The following HELB variants were observed in gnomAD, a reference collection of about 807,000 sequenced individuals.
HELB encodes the protein DNA 5'-3' helicase B.
In HELB, 96 loss-of-function variants were observed where a neutral mutation model predicts 101.7. That is an observed-to-expected ratio of 0.94 (90% confidence interval 0.80 to 1.12). HELB has a LOEUF of 1.12. HELB is among the 50% of genes most tolerant of loss of function. HELB has a pLI of 0.00. For missense variants in HELB, 1,210 were observed against 1,291.9 expected (o/e 0.94, Z 0.97); for synonymous variants, 437 against 459.7 (o/e 0.95, Z 0.63).
At chr12:66,334,128 C>A (rs1392119196) in intron 12 of HELB, among the ~76,000 whole-genome samples, 1 of 151,992 alleles carries the variant, frequency 6.6e-6, no homozygotes, top group East Asian at 1.9e-4. Flanking sequence ...TCATGGTACT[C>A]CAGCCTGGGT....
chr12:66,317,196 C>CAA (rs144397387), intron 6 of HELB, among the ~76,000 whole-genome samples: 64 of 141,834 alleles, frequency 4.5e-4, no homozygotes, highest in African/African-American at 1.2e-3. Context: ...GACTCCATCT[C>CAA]AAAAAAAAAA....
rs1345688648 is a variant in HELB at position 66,331,451 on chromosome 12, A to C, written c.2968A>C (p.Thr990Pro). The change falls in exon 12 of 13, where the codon ACA becomes CCA. Residue 990 changes from threonine (T) to proline (P), a missense_variant. Thr to Pro is a conservative substitution (Grantham distance 38). Transcript: ENST00000247815. ...TPSASPLPVV[T>P]DHAMTNDVTW... ...GTCAGCATCTCCACTCCCTGTAGTC[A>C]CAGACCACGCCATGACAAATGATGT... 9.9e-6 allele frequency: 16 copies of C among 1,614,094 alleles called. No individual in the cohort carries two copies. In the Admixed American group the frequency reaches 2.0e-4, roughly 20 times the overall value.
intron 12 of HELB, among the ~76,000 whole-genome samples, chr12:66,333,396 G>A (rs1157308597): frequency 1.3e-5 from 2 of 152,136 alleles, no homozygotes; most frequent in Non-Finnish European, 2.9e-5. Flanking sequence ...CAAAGAGGAA[G>A]GCAGGTTGGC....
rs546270728 is a variant in HELB at position 66,316,243 on chromosome 12, C to G, written c.2000+860C>G. On this transcript the variant is annotated intron_variant, in intron 6 of 12. Transcript: ENST00000247815. Reference sequence around the variant, plus strand: ...CCATCCAGGTTTGTGTAAGTACACTCTATGCTATTCACACGACGATGAACA... The same window carrying G: ...CCATCCAGGTTTGTGTAAGTACACTGTATGCTATTCACACGACGATGAACA... Among the ~76,000 whole-genome samples the G allele has an allele frequency of 4.6e-5, 7 of 151,862 alleles. No homozygotes were observed. In the South Asian group the frequency reaches 1.5e-3, roughly 31 times the overall value.
At chr12:66,340,606 A>C, downstream of HELB, 1 of 32,278 alleles carries the variant, frequency 3.1e-5, no homozygotes, top group Non-Finnish European at 4.9e-5. Context: ...GGATATATAT[A>C]TGTGGGGGGG....
chr12:66,303,107 T>TTA (rs898915603), intron 1 of HELB, among the ~76,000 whole-genome samples: 3 of 127,568 alleles, frequency 2.4e-5, no homozygotes, highest in Admixed American at 7.8e-5. Context: ...TTTTTTTTTT[T>TTA]AAAATTATTC....
chr12:66,331,585 G>A lies in HELB; in HGVS notation c.3102G>A (p.Ser1034=), dbSNP rs776486508. ...GVDTDDDLPK[S]RASKRTCGVN... The stretch of plus-strand genomic sequence containing the variant: ...ATACAGATGATGATTTACCAAAATC[G>A]CGAGCATCCAAAAGAACCTGTGGTG... Residue 1034 remains serine (S), a synonymous_variant, in exon 12 of 13, where the codon TCG becomes TCA. Coordinates refer to ENST00000247815, the MANE Select transcript of HELB (RefSeq NM_001370285.1). 40 of 1,612,186 alleles carry A rather than the reference G, an allele frequency of 2.5e-5. No homozygotes were observed. The highest frequency in any genetic ancestry group is 2.3e-4 in the African/African-American group (17 of 74,922).
At chr12:66,322,235 A>G (rs1484351291) in intron 8 of HELB, among the ~76,000 whole-genome samples, 2 of 152,108 alleles carry the variant, frequency 1.3e-5, no homozygotes, top group Non-Finnish European at 2.9e-5. Flanking sequence ...AGAAGCTCAT[A>G]GGGACTCTGA....
intron 12 of HELB, among the ~76,000 whole-genome samples, chr12:66,337,383 A>G (rs552438986): frequency 1.5e-4 from 23 of 152,292 alleles, no homozygotes; most frequent in Non-Finnish European, 2.8e-4. Context: ...GGCTTTTGAC[A>G]TGAGCAGAAA....
intron 11 of HELB, among the ~76,000 whole-genome samples, chr12:66,328,466 G>A (rs909325143): frequency 6.6e-6 from 1 of 152,136 alleles, no homozygotes; most frequent in Non-Finnish European, 1.5e-5. Context: ...GGGGGTCTGA[G>A]GTGGGAGGAT....
downstream of HELB, chr12:66,338,255 A>G (rs2053888154): frequency 6.4e-6 from 4 of 620,578 alleles, 1 homozygote; most frequent in South Asian, 7.3e-5. Context: ...TCATCAAAGT[A>G]TTAATGATTT....
At chr12:66,304,263 C>T (rs895847118) in intron 1 of HELB, among the ~76,000 whole-genome samples, 3 of 150,930 alleles carry the variant, frequency 2.0e-5, no homozygotes, top group African/African-American at 7.3e-5. Context: ...AGGTTTTATA[C>T]ATGAGATTCA....
Position 66,331,416 on chromosome 12 carries a change from C to A in HELB, c.2933C>A (p.Pro978His). Residue 978 changes from proline (P) to histidine (H), a missense_variant, in exon 12 of 13, where the codon CCC (proline) becomes CAC (histidine). By Grantham distance (77) the Pro-to-His change is moderately conservative. This residue lies in a region of HELB where 740 missense variants were observed against 728.8 expected (regional missense o/e 1.02). Transcript: ENST00000247815. ...AAGAGCTCTGGAGACAGTGGAGGACCCAGCACACCGTCAGCATCTCCACTC... is the reference window on the plus strand; with the variant it reads ...AAGAGCTCTGGAGACAGTGGAGGACACAGCACACCGTCAGCATCTCCACTC... ...PRKSSGDSGGPSTPSASPLPV... is the reference protein window; with the variant it reads ...PRKSSGDSGGHSTPSASPLPV... 6.2e-7 allele frequency: 1 copy of A among 1,614,192 alleles called. No homozygotes were observed. The highest frequency in any genetic ancestry group is 8.5e-7 in the Non-Finnish European group (1 of 1,180,044).
intron 11 of HELB, among the ~76,000 whole-genome samples, chr12:66,328,791 A>T (rs1201087714): frequency 1.3e-5 from 2 of 151,972 alleles, no homozygotes; most frequent in East Asian, 1.9e-4. Context: ...CTTAATATTG[A>T]TTATATGTTA....
chr12:66,314,984 C>G (rs554338293), intron 5 of HELB, among the ~76,000 whole-genome samples: 3 of 150,122 alleles, frequency 2.0e-5, no homozygotes, highest in Middle Eastern at 3.5e-3. Context: ...CTACAAATGT[C>G]TAAGGCCTGT....
At chr12:66,343,301 G>A (rs1355142561) in intron 13 of HELB, 1 of 152,254 alleles carries the variant, frequency 6.6e-6, no homozygotes, top group Non-Finnish European at 1.5e-5. Flanking sequence ...AGGAAAGACA[G>A]GCTGGAGTGC....
rs2022645879 is a variant in HELB at position 66,302,615 on chromosome 12, G to C, written c.12G>C (p.Ser4=). MAR[S]SPYLRQLQGP... is the part of the protein sequence containing the mutation. ...AGTTCAGGAGAAGCATGGCCAGGTC[G>C]AGTCCGTACCTGCGCCAACTTCAGG... The change falls in exon 1 of 13, where the codon TCG becomes TCC. Residue 4 remains serine (S), a synonymous_variant. Coordinates refer to ENST00000247815, the MANE Select transcript of HELB (RefSeq NM_001370285.1). 1 of 1,613,742 alleles carries C rather than the reference G, an allele frequency of 6.2e-7. No homozygotes were observed. The highest frequency in any genetic ancestry group is 8.5e-7 in the Non-Finnish European group (1 of 1,179,670).
rs1397970145 is a variant in HELB, at chr12:66,318,632, T to C, written c.2001-6T>C. 6.3e-7 allele frequency: 1 copy of C among 1,594,016 alleles called. No homozygotes were observed. Among genetic ancestry groups the C allele is most frequent in the Middle Eastern group, 1.7e-4 (1 of 5,804 alleles). Reference sequence around the variant, plus strand: ...TCTTTGTGTGTGTGTGTTATCTTTATTCAAGAATCTCAAGACGCCAATTTC... The same window carrying C: ...TCTTTGTGTGTGTGTGTTATCTTTACTCAAGAATCTCAAGACGCCAATTTC... On this transcript the variant is annotated splice_region_variant and splice_polypyrimidine_tract_variant and intron_variant, in intron 6 of 12. Coordinates refer to ENST00000247815, the MANE Select transcript of HELB (RefSeq NM_001370285.1).
At chr12:66,331,119 A>G (rs772164125) in intron 11 of HELB, 35 bp from the exon 12 acceptor site, 1 of 1,554,278 alleles carries the variant, frequency 6.4e-7, no homozygotes, top group South Asian at 1.2e-5. Context: ...CCTATTTTAT[A>G]GCATTTAGTC....
Sources: gnomAD v4.1 joint callset for allele counts (sites outside exome capture counted in the v4.1 genomes callset) on GRCh38, gnomAD v4.1.1 for gene constraint, gnomAD v4.1.1 regional missense constraint, MANE v1.5 for transcripts, NCBI Gene and HGNC (gene_info 2026-07-23, HGNC 2026-07-21) for gene names.